EEA1: variants seen among roughly 807,000 people sequenced by gnomAD.
EEA1 encodes the protein early endosome antigen 1, 162kD.
In EEA1, 111 loss-of-function variants were observed where a neutral mutation model predicts 209.2. That is an observed-to-expected ratio of 0.53 (90% CI 0.45 to 0.62). The LOEUF (loss-of-function observed/expected upper bound fraction) is 0.62. EEA1 is among the 20% of genes least tolerant of loss of function. The pLI, the probability that EEA1 is intolerant of heterozygous loss-of-function variation, is 0.00. For synonymous variants in EEA1, 536 were observed against 540.6 expected (o/e 0.99, Z 0.12); for missense variants, 1,343 against 1,530.8 (o/e 0.88, Z 2.05).
In EEA1 at chr12:92,857,345, TAA is replaced by T; in HGVS notation, c.301-7_301-6del. 6.3e-7 allele frequency: 1 copy of T among 1,578,996 alleles called. No individual in the cohort carries two copies. Among genetic ancestry groups the T allele is most frequent in the African/African-American group, 1.4e-5 (1 of 72,872 alleles). On this transcript the variant is annotated splice_polypyrimidine_tract_variant and splice_region_variant and intron_variant, in intron 4 of 28. Coordinates refer to ENST00000322349, the MANE Select transcript of EEA1 (RefSeq NM_003566.4). The stretch of plus-strand genomic sequence containing the variant: ...TTCCGAGTACCATTTTTCTTCCTAA[TAA>T]AAAAGATTTTTAATTAGTAAATTTA...
chr12:92,865,064 C>T, intron 2 of EEA1, 77 bp from the exon 3 acceptor site: 1 of 1,182,568 alleles, frequency 8.5e-7, no homozygotes, highest in Non-Finnish European at 1.1e-6. Flanking sequence ...TATTAAATAT[C>T]ACCAAATGTC....
In EEA1 at chr12:92,921,052, C is replaced by T. The variant is rs1301815655; in HGVS notation, c.24+7991G>A. Reference sequence around the variant, plus strand: ...TGCAAATCAAAACCACAATGAGATACCATCTCACACCAGTTAGAATGGCGA... The same window carrying T: ...TGCAAATCAAAACCACAATGAGATATCATCTCACACCAGTTAGAATGGCGA... On this transcript the variant is annotated intron_variant, in intron 1 of 28. Transcript: ENST00000322349. Among the ~76,000 whole-genome samples, 4 of 152,100 alleles carry T rather than the reference C, an allele frequency of 2.6e-5. No individual in the cohort carries two copies. The East Asian group carries it at 5.8e-4, about 22-fold the overall frequency.
At chr12:92,800,399 C>T (rs1874854045) in intron 20 of EEA1, among the ~76,000 whole-genome samples, 1 of 152,148 alleles carries the variant, frequency 6.6e-6, no homozygotes, top group Non-Finnish European at 1.5e-5. Flanking sequence ...ATCTCCCACC[C>T]TCCAACCAAA....
chr12:92,806,178 AGAG>A (rs987233260), intron 18 of EEA1, among the ~76,000 whole-genome samples: 1 of 152,204 alleles, frequency 6.6e-6, no homozygotes, highest in Non-Finnish European at 1.5e-5. Context: ...GAAACAATAA[AGAG>A]GAGAAATAAA....
intron 15 of EEA1, among the ~76,000 whole-genome samples, chr12:92,815,711 A>G (rs1565819720): frequency 6.6e-6 from 1 of 150,624 alleles, no homozygotes; most frequent in Non-Finnish European, 1.5e-5. Context: ...ATGTAAGGGA[A>G]TTTTTTTTTT....
At chr12:92,832,935 TCTC>T in intron 10 of EEA1, 85 bp from the exon 11 acceptor site, 1 of 936,400 alleles carries the variant, frequency 1.1e-6, no homozygotes, top group Non-Finnish European at 1.6e-6. Flanking sequence ...AGCAGTACTG[TCTC>T]CTATTATACA....
intron 5 of EEA1, among the ~76,000 whole-genome samples, chr12:92,855,514 A>C (rs1877841231): frequency 6.7e-6 from 1 of 149,514 alleles, no homozygotes; most frequent in African/African-American, 2.5e-5. Context: ...AATTCAGGAC[A>C]AGTCAACTTT....
Position 92,778,053 on chromosome 12 carries a change from G to A in EEA1, c.3781C>T (p.Gln1261Ter), listed in dbSNP as rs1438595307. Residue 1261 changes from glutamine to a stop codon, truncating the protein, a stop_gained, in exon 26 of 29, where the codon CAA becomes TAA. Coordinates refer to ENST00000322349, the MANE Select transcript of EEA1 (RefSeq NM_003566.4). LOFTEE classifies it high-confidence loss of function. ...TTCTCAAGCTCACTAACTCTCCGTT[G>A]ACTAGATTGCCACTCCTTCTTCACA... ...GTVKKEWQSS[Q>*]RRVSELEKQT... is the part of the protein sequence containing the mutation. 1 of 1,613,396 alleles carries A rather than the reference G, an allele frequency of 6.2e-7. No homozygotes were observed. Among genetic ancestry groups the A allele is most frequent in the Non-Finnish European group, 8.5e-7 (1 of 1,179,548 alleles).
Position 92,779,351 on chromosome 12 carries a change from C to A in EEA1, c.3469-51G>T, listed in dbSNP as rs760880191. 19 of 1,499,844 alleles carry A rather than the reference C, an allele frequency of 1.3e-5. No homozygotes were observed. The South Asian group carries it at 2.5e-4, about 20-fold the overall frequency. The allele number at this position is 1,499,844 out of a possible 1,614,324, so 92.9% of individuals were successfully genotyped here. A position where few individuals can be genotyped will look rare whatever the true frequency, so the allele number is the denominator to read the frequency against. ...AAATCATCCTTCATAGTAAATATTT[C>A]AAAATTTGGCTAAAATTTATGCAAT... On this transcript the variant is annotated intron_variant, in intron 24 of 28. Coordinates refer to ENST00000322349, the MANE Select transcript of EEA1 (RefSeq NM_003566.4).
chr12:92,790,499 C>G (rs1393169471), intron 21 of EEA1, among the ~76,000 whole-genome samples: 1 of 152,136 alleles, frequency 6.6e-6, no homozygotes, highest in African/African-American at 2.4e-5. Flanking sequence ...CAAGCTTCAA[C>G]AGCTGATTCG....
intron 11 of EEA1, among the ~76,000 whole-genome samples, chr12:92,830,114 T>C (rs531246610): frequency 1.3e-5 from 2 of 152,164 alleles, no homozygotes; most frequent in East Asian, 3.9e-4. Flanking sequence ...ACACAACACA[T>C]ACATGCAAGA....
intron 13 of EEA1, among the ~76,000 whole-genome samples, chr12:92,823,591 T>C (rs1876161330): frequency 6.6e-6 from 1 of 152,212 alleles, no homozygotes; most frequent in African/African-American, 2.4e-5. Flanking sequence ...TATATACAGA[T>C]ACACACCTAG....
At chr12:92,786,641 G>C (rs1277057829) in intron 22 of EEA1, among the ~76,000 whole-genome samples, 1 of 151,782 alleles carries the variant, frequency 6.6e-6, no homozygotes, top group Admixed American at 6.6e-5. Context: ...CTCATACCTC[G>C]ACTATTAGAA....
chr12:92,806,572 T>C (rs1238167815), intron 18 of EEA1, among the ~76,000 whole-genome samples: 1 of 152,128 alleles, frequency 6.6e-6, no homozygotes, highest in African/African-American at 2.4e-5. Flanking sequence ...ACAAATAATA[T>C]CCATCTCATA....
At chr12:92,914,014 T>C (rs1880674181) in intron 1 of EEA1, among the ~76,000 whole-genome samples, 1 of 152,248 alleles carries the variant, frequency 6.6e-6, no homozygotes. Context: ...TCGTATATGG[T>C]GAACAATATG....
chr12:92,870,441 C>T (rs78427818), intron 2 of EEA1, among the ~76,000 whole-genome samples: 2,822 of 152,264 alleles, frequency 0.019, 94 homozygotes, highest in African/African-American at 0.063. Flanking sequence ...CCCTAACTTG[C>T]TCCCCTCCTC....
At chr12:92,916,514 G>A (rs1379554003) in intron 1 of EEA1, among the ~76,000 whole-genome samples, 4 of 149,006 alleles carry the variant, frequency 2.7e-5, no homozygotes, top group South Asian at 4.2e-4. Context: ...TTAGCTGGGC[G>A]CAGTACCACA....
intron 3 of EEA1, chr12:92,859,122 A>G (rs1459843714): frequency 8.8e-7 from 1 of 1,141,678 alleles, no homozygotes; most frequent in African/African-American, 1.5e-5. Flanking sequence ...AGAGGGAGCT[A>G]CTAGAGATTA....
At chr12:92,831,108 T>C (rs1328129777) in intron 11 of EEA1, among the ~76,000 whole-genome samples, 1 of 152,174 alleles carries the variant, frequency 6.6e-6, no homozygotes, top group East Asian at 1.9e-4. Flanking sequence ...GCTCATTAAA[T>C]TACTAACATA....
Sources: allele counts gnomAD v4.1 joint callset (sites outside exome capture counted in the v4.1 genomes callset), GRCh38; gene constraint gnomAD v4.1.1; transcripts MANE v1.5; gene names NCBI Gene and HGNC (gene_info 2026-07-23, HGNC 2026-07-21).